RAB3A: variants seen among roughly 807,000 people sequenced by gnomAD.
RAB3A encodes the protein RAB3A, member RAS oncogene family.
A neutral mutation model predicts 19.7 loss-of-function variants in RAB3A; 5 were observed. The ratio of observed to expected loss-of-function variants is 0.25; its 90% CI spans 0.13 to 0.53. The LOEUF is 0.53. Among genes scored for constraint, RAB3A ranks in the 20% least tolerant of loss-of-function variants. The pLI, the probability that RAB3A is intolerant of heterozygous loss-of-function variation, is 0.95. For synonymous variants in RAB3A, 119 were observed against 122.1 expected (o/e 0.97, Z 0.17); for missense variants, 189 against 305.6 (o/e 0.62, Z 2.85).
In RAB3A at chr19:18,197,462, G is replaced by A. The variant is rs760492775; in HGVS notation, c.*8C>T. On this transcript the variant is annotated 3_prime_UTR_variant, in exon 5 of 5. Coordinates refer to ENST00000222256, the MANE Select transcript of RAB3A (RefSeq NM_002866.5). ...ACAGGGAAGAGGGGAAAGGGAGTGGGATGGCTCTCAGCAGGCGCAGTCCTG... is the reference window on the plus strand; with the variant it reads ...ACAGGGAAGAGGGGAAAGGGAGTGGAATGGCTCTCAGCAGGCGCAGTCCTG... 2.5e-6 allele frequency: 4 copies of A among 1,607,034 alleles called. No homozygotes were observed. The highest frequency in any genetic ancestry group is 3.4e-5 in the Admixed American group (2 of 59,590).
chr19:18,200,357 T>C lies in RAB3A; in HGVS notation c.317A>G (p.Asn106Ser), dbSNP rs1293114557. ...MGFILMYDIT[N>S]EESFNAVQDW... is the part of the protein sequence containing the mutation. ...CTGCACTGCATTGAAGGATTCCTCG[T>C]TGGTGATGTCATACATGAGGATGAA... Residue 106 changes from asparagine to serine, a missense_variant, in exon 3 of 5, where the codon AAC (asparagine) becomes AGC (serine). Asn to Ser is a conservative substitution (Grantham distance 46, BLOSUM62 1). Coordinates refer to ENST00000222256, the MANE Select transcript of RAB3A (RefSeq NM_002866.5). The C allele has an allele frequency of 1.2e-6, 2 of 1,613,786 alleles. No individual in the cohort carries two copies. The highest frequency in any genetic ancestry group is 1.7e-5 in the Admixed American group (1 of 59,980).
At position 18,202,253 on chromosome 19, in the gene RAB3A, A is replaced by AT. The variant is rs1967623906; in HGVS notation, c.228+259_228+260insA. The AT allele has an allele frequency of 7.0e-6, 3 of 426,252 alleles. No individual in the cohort carries two copies. In the South Asian group the frequency reaches 7.2e-5, roughly 10 times the overall value. The allele number at this position is 426,252 out of a possible 1,614,324, so 26.4% of individuals were successfully genotyped here. A position where few individuals can be genotyped will look rare whatever the true frequency, so the allele number is the denominator to read the frequency against. On this transcript the variant is annotated intron_variant, in intron 2 of 4. Transcript: ENST00000222256. This position sits in a 1 kb window ranked among gnomAD's most constrained non-coding sequence, Gnocchi z 4.2. ...CCTGTCTCAAAAAACAAACAAAAAAAGAGAATGGGGACCAAGATCCAGCTG... is the reference window on the plus strand; with the variant it reads ...CCTGTCTCAAAAAACAAACAAAAAAATGAGAATGGGGACCAAGATCCAGCTG...
chr19:18,203,107 C>A (rs746094953), intron 1 of RAB3A, among the ~76,000 whole-genome samples: 6 of 152,208 alleles, frequency 3.9e-5, no homozygotes, highest in Non-Finnish European at 8.8e-5. Context: ...CCCGGCCGCG[C>A]GGCCCCACGT....
chr19:18,199,455 C>T (rs1967578909), intron 3 of RAB3A, among the ~76,000 whole-genome samples: 1 of 151,130 alleles, frequency 6.6e-6, no homozygotes, highest in African/African-American at 2.4e-5. Context: ...GTGCCCAACC[C>T]AGAAATTTTT....
At position 18,202,648 on chromosome 19, in the gene RAB3A, G is replaced by A. The variant is rs757211559; in HGVS notation, c.93C>T (p.Ser31=). The change falls in exon 2 of 5, where the codon AGC becomes AGT. Residue 31 remains serine (S), a synonymous_variant. Coordinates refer to ENST00000222256, the MANE Select transcript of RAB3A (RefSeq NM_002866.5). The surrounding 1 kb of genome is among the most constrained non-coding windows in gnomAD (Gnocchi z 4.2). ...YMFKILIIGN[S]SVGKTSFLFR... ...AGAGGAAGGACGTCTTGCCCACGCT[G>A]CTGTTGCCGATGATGAGAATCTTGA... 6.2e-7 allele frequency: 1 copy of A among 1,614,186 alleles called. No homozygotes were observed. The highest frequency in any genetic ancestry group is 1.7e-5 in the Admixed American group (1 of 60,028).
At position 18,202,652 on chromosome 19, in the gene RAB3A, T is replaced by C; in HGVS notation, c.89A>G (p.Asn30Ser). 1 of 1,614,166 alleles carries C rather than the reference T, an allele frequency of 6.2e-7. No homozygotes were observed. The change falls in exon 2 of 5, where the codon AAC becomes AGC. Residue 30 changes from asparagine to serine, a missense_variant. By Grantham distance (46) the Asn-to-Ser change is conservative (BLOSUM62 1). Coordinates refer to ENST00000222256, the MANE Select transcript of RAB3A (RefSeq NM_002866.5). The surrounding 1 kb of genome is among the most constrained non-coding windows in gnomAD (Gnocchi z 4.2). ...DYMFKILIIG[N>S]SSVGKTSFLF... ...GAAGGACGTCTTGCCCACGCTGCTGTTGCCGATGATGAGAATCTTGAACAT... is the reference window on the plus strand; with the variant it reads ...GAAGGACGTCTTGCCCACGCTGCTGCTGCCGATGATGAGAATCTTGAACAT...
At chr19:18,201,367 T>A (rs1352675799) in intron 2 of RAB3A, among the ~76,000 whole-genome samples, 1 of 151,234 alleles carries the variant, frequency 6.6e-6, no homozygotes, top group Non-Finnish European at 1.5e-5. Context: ...GGATCACTTG[T>A]GGTCAGGAGT....
At chr19:18,197,694 G>A in intron 4 of RAB3A, 34 bp from the exon 5 acceptor site, 1 of 1,564,690 alleles carries the variant, frequency 6.4e-7, no homozygotes, top group Non-Finnish European at 8.7e-7. Flanking sequence ...GAGGACCCTG[G>A]CCACGCCCTA....
rs146942667 is a variant in RAB3A at position 18,198,375 on chromosome 19, C to G, written c.472+350G>C. Among the ~76,000 whole-genome samples the G allele has an allele frequency of 5.1e-3, 770 of 152,282 alleles. 2 individuals are homozygous for G. Among genetic ancestry groups the G allele is most frequent in the African/African-American group, 0.018 (730 of 41,556 alleles). ...AGCTATTTCCTCTGCCTGAAAGACC[C>G]TTCTTCACTACCCACCACTCCAGGA... On this transcript the variant is annotated intron_variant, in intron 4 of 4. Transcript: ENST00000222256.
intron 3 of RAB3A, among the ~76,000 whole-genome samples, chr19:18,200,060 C>T (rs1967586861): frequency 6.6e-6 from 1 of 151,940 alleles, no homozygotes; most frequent in Non-Finnish European, 1.5e-5. Flanking sequence ...GTGGGCAGAT[C>T]ACTTGAGCCA....
chr19:18,200,578 G>C, intron 2 of RAB3A, 133 bp from the exon 3 acceptor site: 1 of 684,104 alleles, frequency 1.5e-6, no homozygotes, highest in Non-Finnish European at 2.5e-6. Context: ...GTGTCAGGAA[G>C]AGCAGGTTGG....
In RAB3A at chr19:18,200,494, C is replaced by G. The variant is rs746916771; in HGVS notation, c.229-49G>C. On this transcript the variant is annotated intron_variant, in intron 2 of 4. Coordinates refer to ENST00000222256, the MANE Select transcript of RAB3A (RefSeq NM_002866.5). ...AGAGAGGACCTGCACATAAGGCCCTCGAAGAGGAAATGAGCTCTGATATCA... is the reference window on the plus strand; with the variant it reads ...AGAGAGGACCTGCACATAAGGCCCTGGAAGAGGAAATGAGCTCTGATATCA... 6.1e-6 allele frequency: 9 copies of G among 1,466,224 alleles called. No homozygotes were observed. The South Asian group carries it at 8.4e-5, about 14-fold the overall frequency. 90.8% of individuals were successfully genotyped at this position (1,466,224 alleles called of 1,614,324 possible). A position where few individuals can be genotyped will look rare whatever the true frequency, so the allele number is the denominator to read the frequency against.
Position 18,202,501 on chromosome 19 carries a change from G to A in RAB3A, c.228+12C>T. 6.2e-7 allele frequency: 1 copy of A among 1,612,710 alleles called. No individual in the cohort carries two copies. Among genetic ancestry groups the A allele is most frequent in the Non-Finnish European group, 8.5e-7 (1 of 1,178,768 alleles). ...AACCGAGCCGGGCGGGAGCCCTCCA[G>A]CTGGGACCCACCCAGATCTGCAGCT... On this transcript the variant is annotated intron_variant, in intron 2 of 4. Coordinates refer to ENST00000222256, the MANE Select transcript of RAB3A (RefSeq NM_002866.5). This position sits in a 1 kb window ranked among gnomAD's most constrained non-coding sequence, Gnocchi z 4.2.
intron 2 of RAB3A, among the ~76,000 whole-genome samples, chr19:18,201,870 G>A (rs561768915): frequency 6.6e-6 from 1 of 152,290 alleles, no homozygotes; most frequent in African/African-American, 2.4e-5. Context: ...TTGGGAAGCT[G>A]AGGCGGGAGG....
At chr19:18,201,845 T>C (rs1288237977) in intron 2 of RAB3A, among the ~76,000 whole-genome samples, 1 of 152,188 alleles carries the variant, frequency 6.6e-6, no homozygotes, top group Non-Finnish European at 1.5e-5. Context: ...GACACTTGCC[T>C]GTACTCCCAG....
Position 18,197,101 on chromosome 19 carries a change from C to T in RAB3A, c.*369G>A. 4.5e-6 allele frequency: 1 copy of T among 222,102 alleles called. No individual in the cohort carries two copies. Among genetic ancestry groups the T allele is most frequent in the Non-Finnish European group, 8.7e-6 (1 of 115,152 alleles). 13.8% of individuals were successfully genotyped at this position (222,102 alleles called of 1,614,324 possible). A position where few individuals can be genotyped will look rare whatever the true frequency, so the allele number is the denominator to read the frequency against. On this transcript the variant is annotated 3_prime_UTR_variant, in exon 5 of 5. Transcript: ENST00000222256. ...TGGCCACCTCCCATTGCCCGATCAG[C>T]CTGCTTTAGGGTGTCATCTGGCCCC...
In RAB3A at chr19:18,197,503, C is replaced by A. The variant is rs1233964041; in HGVS notation, c.630G>T (p.Gln210His). The A allele has an allele frequency of 6.2e-7, 1 of 1,612,984 alleles. No homozygotes were observed. The highest frequency in any genetic ancestry group is 1.1e-5 in the South Asian group (1 of 91,036). The part of the protein sequence containing the change: ...GAKQGPQLSD[Q>H]QVPPHQDCAC ...CGCAGTCCTGGTGCGGTGGCACCTGCTGGTCACTGAGCTGTGGGCCCTGCT... is the reference window on the plus strand; with the variant it reads ...CGCAGTCCTGGTGCGGTGGCACCTGATGGTCACTGAGCTGTGGGCCCTGCT... The change falls in exon 5 of 5, where the codon CAG (glutamine) becomes CAT (histidine). Residue 210 changes from glutamine to histidine, a missense_variant. Coordinates refer to ENST00000222256, the MANE Select transcript of RAB3A (RefSeq NM_002866.5).
Position 18,198,807 on chromosome 19 carries a change from C to T in RAB3A, c.390G>A (p.Val130=), listed in dbSNP as rs1321594728. 1 of 1,614,174 alleles carries T rather than the reference C, an allele frequency of 6.2e-7. No individual in the cohort carries two copies. Among genetic ancestry groups the T allele is most frequent in the East Asian group, 2.2e-5 (1 of 44,872 alleles). The part of the protein sequence containing the change: ...IKTYSWDNAQ[V]LLVGNKCDME... ...TGTCACACTTGTTTCCTACCAGCAG[C>T]ACCTGGGCATTGTCCCATGAGTAGG... is the stretch of plus-strand genomic sequence containing the variant. The change falls in exon 4 of 5, where the codon GTG becomes GTA. Residue 130 remains valine, a synonymous_variant. Coordinates refer to ENST00000222256, the MANE Select transcript of RAB3A (RefSeq NM_002866.5).
chr19:18,197,442 G>A lies in RAB3A; in HGVS notation c.*28C>T, dbSNP rs370255691. On this transcript the variant is annotated 3_prime_UTR_variant, in exon 5 of 5. Coordinates refer to ENST00000222256, the MANE Select transcript of RAB3A (RefSeq NM_002866.5). Reference sequence around the variant, plus strand: ...GTTGGGGGAAGGTGGGGAAGACAGGGAAGAGGGGAAAGGGAGTGGGATGGC... The same window carrying A: ...GTTGGGGGAAGGTGGGGAAGACAGGAAAGAGGGGAAAGGGAGTGGGATGGC... 1.3e-6 allele frequency: 2 copies of A among 1,593,218 alleles called. No individual in the cohort carries two copies. The highest frequency in any genetic ancestry group is 1.7e-5 in the Admixed American group (1 of 58,038).
Sources: gnomAD v4.1 joint callset for allele counts (sites outside exome capture counted in the v4.1 genomes callset) on GRCh38, gnomAD v4.1.1 for gene constraint, Gnocchi (gnomAD v3.1) non-coding constraint, MANE v1.5 for transcripts, NCBI Gene and HGNC (gene_info 2026-07-23, HGNC 2026-07-21) for gene names.